The following CFHR4 variants were observed in gnomAD, a reference collection of about 807,000 sequenced individuals.
CFHR4 encodes complement factor H-related protein 4.
Under a neutral mutation model 69.3 loss-of-function variants are expected in CFHR4, and 64 were observed. The ratio of observed to expected loss-of-function variants is 0.92; its 90% CI spans 0.76 to 1.14. CFHR4 has a LOEUF of 1.14. Ranked by LOEUF, CFHR4 falls within the 50% of genes most tolerant of loss-of-function variation. The pLI, the probability that CFHR4 is intolerant of heterozygous loss-of-function variation, is 0.00. For missense variants in CFHR4, 636 were observed against 684.9 expected (o/e 0.93, Z 0.80); for synonymous variants, 244 against 237.0 (o/e 1.03, Z -0.27).
Position 196,918,325 on chromosome 1 carries a change from G to T in CFHR4, c.1656G>T (p.Leu552Phe), listed in dbSNP as rs755392398. ...TGDTIEFMCK[L>F]GYNANTSVLS... ...ATACCATTGAATTTATGTGTAAATTGGGATATAATGCGAATACATCAGTTC... is the reference window on the plus strand; with the variant it reads ...ATACCATTGAATTTATGTGTAAATTTGGATATAATGCGAATACATCAGTTC... Residue 552 changes from leucine to phenylalanine, a missense_variant, in exon 10 of 10, where the codon TTG (leucine) becomes TTT (phenylalanine). Leu to Phe is a conservative substitution (Grantham distance 22). Transcript: ENST00000608469. 2.1e-5 allele frequency: 34 copies of T among 1,611,380 alleles called. No individual in the cohort carries two copies. The Admixed American group carries it at 2.5e-4, about 12-fold the overall frequency.
At chr1:196,892,376 A>AT (rs1327384009) in intron 1 of CFHR4, among the ~76,000 whole-genome samples, 1 of 151,490 alleles carries the variant, frequency 6.6e-6, no homozygotes, top group Non-Finnish European at 1.5e-5. Context: ...AGAGAAGATG[A>AT]TATCAAAGAT....
At position 196,888,312 on chromosome 1, in the gene CFHR4, T is replaced by C. The variant is rs1053314923; in HGVS notation, c.58+104T>C. The C allele has an allele frequency of 9.0e-5, 101 of 1,119,962 alleles. 1 individual carries two copies. The highest frequency in any genetic ancestry group is 8.9e-4 in the Admixed American group (49 of 55,330). 69.4% of individuals were successfully genotyped at this position (1,119,962 alleles called of 1,614,324 possible). On this transcript the variant is annotated intron_variant, in intron 1 of 9. Transcript: ENST00000608469. ...ATTTTTTTATAAATCTGATAGGATA[T>C]ATTCACTATGCTAGCAGAAGTAGCA... is the stretch of plus-strand genomic sequence containing the variant.
chr1:196,916,178 A>G (rs1056534529), intron 9 of CFHR4, among the ~76,000 whole-genome samples: 4 of 151,494 alleles, frequency 2.6e-5, no homozygotes, highest in Admixed American at 1.3e-4. Flanking sequence ...CCCAAGTACT[A>G]TGAACTTGAA....
intron 6 of CFHR4, 27 bp downstream of exon 6, chr1:196,910,505 G>A (rs1658203186): frequency 1.3e-6 from 2 of 1,572,680 alleles, no homozygotes; most frequent in South Asian, 2.2e-5. Flanking sequence ...ACAACAATAT[G>A]TGCATAAAAC....
chr1:196,890,524 T>C (rs1184908426), intron 1 of CFHR4, among the ~76,000 whole-genome samples: 2 of 151,640 alleles, frequency 1.3e-5, no homozygotes, highest in Non-Finnish European at 1.5e-5. Flanking sequence ...TAATTTAAAA[T>C]AGGTTGTCAG....
intron 1 of CFHR4, among the ~76,000 whole-genome samples, chr1:196,889,928 A>T (rs1656927915): frequency 6.6e-6 from 1 of 151,448 alleles, no homozygotes; most frequent in Admixed American, 6.6e-5. Flanking sequence ...TTACAAGGCA[A>T]AGGAAGAGGC....
chr1:196,916,411 C>T (rs1014768686), intron 9 of CFHR4, among the ~76,000 whole-genome samples: 1 of 151,890 alleles, frequency 6.6e-6, no homozygotes, highest in Non-Finnish European at 1.5e-5. Context: ...ACAAGCCGTT[C>T]TTTTCTGTGA....
intron 1 of CFHR4, among the ~76,000 whole-genome samples, chr1:196,899,914 T>C (rs1374027586): frequency 6.6e-6 from 1 of 151,646 alleles, no homozygotes; most frequent in East Asian, 1.9e-4. Flanking sequence ...TTCATTACTC[T>C]TTTGTGTCTG....
At chr1:196,908,889 T>C (rs1179057060) in intron 5 of CFHR4, among the ~76,000 whole-genome samples, 1 of 151,408 alleles carries the variant, frequency 6.6e-6, no homozygotes, top group Non-Finnish European at 1.5e-5. Context: ...TGCTACCTTT[T>C]ACCTTTTATA....
intron 1 of CFHR4, among the ~76,000 whole-genome samples, chr1:196,888,498 G>A (rs1248985623): frequency 1.3e-5 from 2 of 151,006 alleles, no homozygotes; most frequent in African/African-American, 4.9e-5. Context: ...ACTTTAAGTA[G>A]GAAACATGTC....
chr1:196,895,111 T>C (rs1657224154), intron 1 of CFHR4, among the ~76,000 whole-genome samples: 1 of 151,306 alleles, frequency 6.6e-6, no homozygotes, highest in South Asian at 2.1e-4. Flanking sequence ...AGCATGCCTG[T>C]AGTCCTTACA....
chr1:196,910,139 G>T (rs192069928), intron 5 of CFHR4, 142 bp from the exon 6 acceptor site: 23 of 542,832 alleles, frequency 4.2e-5, no homozygotes, highest in Non-Finnish European at 6.6e-5. Flanking sequence ...GAGACAGAGC[G>T]AAATTTCATC....
chr1:196,907,397 G>A lies in CFHR4; in HGVS notation c.698G>A (p.Trp233Ter). ...TTCCCGCAAAAAGTGTATCTGCCAT[G>A]GTCAAGAGTCGAGTACCAGTGCCAG... Reference protein sequence around the residue: ...TSFPQKVYLPWSRVEYQCQSY... With the variant: ...TSFPQKVYLP Residue 233 changes from tryptophan to a stop codon, truncating the protein, a stop_gained, in exon 5 of 10, where the codon TGG becomes TAG. Transcript: ENST00000608469. LOFTEE classifies it high-confidence loss of function. 6.2e-7 allele frequency: 1 copy of A among 1,611,876 alleles called. No individual in the cohort carries two copies. The highest frequency in any genetic ancestry group is 8.5e-7 in the Non-Finnish European group (1 of 1,178,972).
At chr1:196,897,301 G>A (rs1216679459) in intron 1 of CFHR4, among the ~76,000 whole-genome samples, 4 of 151,432 alleles carry the variant, frequency 2.6e-5, no homozygotes, top group Non-Finnish European at 5.9e-5. Context: ...CTGGCCCCAC[G>A]GCAGCGTCTA....
At position 196,914,668 on chromosome 1, in the gene CFHR4, T is replaced by A; in HGVS notation, c.1354T>A (p.Tyr452Asn). Reference sequence around the variant, plus strand: ...TGGGTGGTCCCATTTCCCAACATGTTATAGTAAGTATTTTATTCAAGTATT... The same window carrying A: ...TGGGTGGTCCCATTTCCCAACATGTAATAGTAAGTATTTTATTCAAGTATT... ...EDGWSHFPTC[Y>N]NSSEKCGPPP... The change falls in exon 8 of 10, where the codon TAT becomes AAT. Residue 452 changes from tyrosine (Y) to asparagine (N), a missense_variant. Physicochemically the swap from Tyr to Asn is moderately radical, Grantham distance 143. Coordinates refer to ENST00000608469, the MANE Select transcript of CFHR4 (RefSeq NM_001201550.3). The A allele has an allele frequency of 6.3e-7, 1 of 1,593,792 alleles. No homozygotes were observed. Among genetic ancestry groups the A allele is most frequent in the Non-Finnish European group, 8.5e-7 (1 of 1,174,006 alleles).
chr1:196,912,368 G>T (rs563255836), intron 6 of CFHR4, among the ~76,000 whole-genome samples: 17 of 151,386 alleles, frequency 1.1e-4, no homozygotes, highest in Non-Finnish European at 2.1e-4. Flanking sequence ...TTTGACTTAA[G>T]GAGGTTTAAG....
chr1:196,892,775 G>A (rs1226711456), intron 1 of CFHR4, among the ~76,000 whole-genome samples: 1 of 151,132 alleles, frequency 6.6e-6, no homozygotes, highest in Non-Finnish European at 1.5e-5. Context: ...TTATTTATCT[G>A]TTAAGAACAG....
intron 6 of CFHR4, among the ~76,000 whole-genome samples, chr1:196,911,985 T>C (rs562314030): frequency 6.6e-6 from 1 of 151,396 alleles, no homozygotes; most frequent in East Asian, 1.9e-4. Context: ...GATAGTAAAA[T>C]TAGTCCATTT....
intron 1 of CFHR4, among the ~76,000 whole-genome samples, chr1:196,902,069 A>T (rs994618726): frequency 5.3e-5 from 8 of 151,534 alleles, no homozygotes. Context: ...AAGAACAGGC[A>T]GGGCTCTGAT....
Sources: allele counts gnomAD v4.1 joint callset (sites outside exome capture counted in the v4.1 genomes callset), GRCh38; gene constraint gnomAD v4.1.1; transcripts MANE v1.5; gene names NCBI Gene and HGNC (gene_info 2026-07-23, HGNC 2026-07-21).